WDR41: variants seen among roughly 807,000 people sequenced by gnomAD.
WDR41 encodes WD repeat-containing protein 41.
WDR41 carries 63 observed loss-of-function variants against 69.3 expected under a neutral mutation model. That is an observed-to-expected ratio of 0.91 (90% CI 0.74 to 1.12). The LOEUF is 1.12. WDR41 is among the 50% of genes most tolerant of loss of function. The probability of loss-of-function intolerance (pLI) is 0.00; values close to 1 mark genes in which losing one functional copy is unlikely to be tolerated. For synonymous variants in WDR41, 185 were observed against 192.1 expected (o/e 0.96, Z 0.31); for missense variants, 543 against 534.5 (o/e 1.02, Z -0.16).
chr5:77,476,065 G>C (rs1222118327), intron 2 of WDR41, among the ~76,000 whole-genome samples: 1 of 152,014 alleles, frequency 6.6e-6, no homozygotes, highest in Non-Finnish European at 1.5e-5. Flanking sequence ...TGGAAGAAAG[G>C]GTATCAGCGA....
At chr5:77,595,700 C>T (rs903026415) in intron 1 of WDR41, among the ~76,000 whole-genome samples, 2 of 152,124 alleles carry the variant, frequency 1.3e-5, no homozygotes, top group Non-Finnish European at 2.9e-5. Context: ...TAATGGGTTG[C>T]ACATTTCCAC....
intron 1 of WDR41, among the ~76,000 whole-genome samples, chr5:77,558,727 T>A (rs1743460492): frequency 6.6e-6 from 1 of 152,248 alleles, no homozygotes; most frequent in Admixed American, 6.5e-5. Flanking sequence ...TTCCACAAAC[T>A]AATTTTCCAG....
intron 1 of WDR41, among the ~76,000 whole-genome samples, chr5:77,612,161 A>G (rs1428867899): frequency 2.0e-5 from 3 of 152,222 alleles, no homozygotes; most frequent in Admixed American, 1.3e-4. Context: ...TAGTTTACCA[A>G]CCAAAAAGAG....
At chr5:77,466,298 CTCAA>C (rs1465389156) in intron 2 of WDR41, among the ~76,000 whole-genome samples, 1 of 151,756 alleles carries the variant, frequency 6.6e-6, no homozygotes. Context: ...TCTACATTTT[CTCAA>C]TCAGATTAGT....
At chr5:77,441,676 C>T (rs539159345) in intron 8 of WDR41, among the ~76,000 whole-genome samples, 53 of 151,978 alleles carry the variant, frequency 3.5e-4, no homozygotes, top group African/African-American at 5.1e-4. Context: ...ACGCAGAGGT[C>T]GCAGTGAGCT....
At chr5:77,494,122 G>A (rs984679544), upstream of WDR41, among the ~76,000 whole-genome samples, 1 of 152,090 alleles carries the variant, frequency 6.6e-6, no homozygotes, top group African/African-American at 2.4e-5. Flanking sequence ...ATAACGTTAG[G>A]ATGTTAAATG....
intron 7 of WDR41, among the ~76,000 whole-genome samples, chr5:77,450,527 A>G (rs938008032): frequency 6.6e-6 from 1 of 152,228 alleles, no homozygotes; most frequent in African/African-American, 2.4e-5. Flanking sequence ...CAGAAAACCC[A>G]TAATAAAATC....
In WDR41 at chr5:77,592,872, C is replaced by G. The variant is rs1435849121; in HGVS notation, c.42+27607G>C. Among the ~76,000 whole-genome samples the G allele has an allele frequency of 2.6e-5, 4 of 152,188 alleles. No homozygotes were observed. The South Asian group carries it at 6.2e-4, about 24-fold the overall frequency. On this transcript the variant is annotated intron_variant, in intron 1 of 5. Coordinates refer to the WDR41 transcript ENST00000509971. ...ACCTTAGCTAATCAGTTTCCAGTCC[C>G]TCCACCTCAGAGGTCAAACTAATGT...
intron 1 of WDR41, among the ~76,000 whole-genome samples, chr5:77,566,825 A>G (rs1272377256): frequency 2.6e-5 from 4 of 152,110 alleles, no homozygotes; most frequent in Non-Finnish European, 5.9e-5. Flanking sequence ...GTCTGTGCAC[A>G]TGTCTGGGCC....
intron 1 of WDR41, among the ~76,000 whole-genome samples, chr5:77,490,730 G>A (rs1801737719): frequency 6.6e-6 from 1 of 152,122 alleles, no homozygotes. Flanking sequence ...GGGAGACCTG[G>A]TTAAGCAAAT....
At chr5:77,610,954 G>A (rs911797137) in intron 1 of WDR41, among the ~76,000 whole-genome samples, 2 of 152,158 alleles carry the variant, frequency 1.3e-5, no homozygotes, top group African/African-American at 4.8e-5. Flanking sequence ...TAAAAGGATG[G>A]AGGAAGATCT....
At chr5:77,523,049 C>A (rs1052581515) in intron 1 of WDR41, among the ~76,000 whole-genome samples, 1 of 152,150 alleles carries the variant, frequency 6.6e-6, no homozygotes, top group African/African-American at 2.4e-5. Context: ...CGCTGTGGCT[C>A]ACACCTGTAA....
At chr5:77,476,229 A>T (rs1336954744) in intron 2 of WDR41, among the ~76,000 whole-genome samples, 2 of 152,312 alleles carry the variant, frequency 1.3e-5, no homozygotes, top group East Asian at 3.9e-4. Flanking sequence ...GAAGAATGGA[A>T]CCAAACTGGA....
In WDR41 at chr5:77,432,472, A is replaced by C. The variant is rs1043977262; in HGVS notation, c.*663T>G. On this transcript the variant is annotated 3_prime_UTR_variant, in exon 13 of 13. Transcript: ENST00000296679. ...CTAGAGCTCATCCTTGGCGTACATGAGGGGCAGTTGTTGTTCTAGTACCCA... is the reference window on the plus strand; with the variant it reads ...CTAGAGCTCATCCTTGGCGTACATGCGGGGCAGTTGTTGTTCTAGTACCCA... 1.3e-5 allele frequency: 2 copies of C among 152,498 alleles called. No individual in the cohort carries two copies. The highest frequency in any genetic ancestry group is 6.5e-5 in the Admixed American group (1 of 15,274). 9.4% of individuals were successfully genotyped at this position (152,498 alleles called of 1,614,324 possible). A position where few individuals can be genotyped will look rare whatever the true frequency, so the allele number is the denominator to read the frequency against.
chr5:77,507,215 G>A (rs990597438), intron 1 of WDR41, among the ~76,000 whole-genome samples: 5 of 152,082 alleles, frequency 3.3e-5, no homozygotes, highest in Non-Finnish European at 7.4e-5. Flanking sequence ...GCATGAGAAC[G>A]TAGGCATATT....
chr5:77,614,410 T>C (rs1308270756), intron 1 of WDR41, among the ~76,000 whole-genome samples: 2 of 150,704 alleles, frequency 1.3e-5, no homozygotes, highest in South Asian at 2.1e-4. Context: ...TGTCCAACAA[T>C]GATAGACTGG....
intron 2 of WDR41, among the ~76,000 whole-genome samples, chr5:77,473,921 A>G (rs1271194050): frequency 6.6e-6 from 1 of 152,272 alleles, no homozygotes; most frequent in East Asian, 1.9e-4. Context: ...TTGACCCAGC[A>G]ATCCCATTAC....
chr5:77,513,118 T>G (rs1356006130), intron 1 of WDR41, among the ~76,000 whole-genome samples: 2 of 152,216 alleles, frequency 1.3e-5, no homozygotes, highest in East Asian at 3.8e-4. Flanking sequence ...TTGTTTCACC[T>G]TCATATTCTT....
chr5:77,584,531 A>G (rs980223086), intron 1 of WDR41, among the ~76,000 whole-genome samples: 2 of 152,190 alleles, frequency 1.3e-5, no homozygotes, highest in East Asian at 1.9e-4. Context: ...TTAAGAAGAC[A>G]AATAAATTTA....
Sources: allele counts gnomAD v4.1 joint callset (sites outside exome capture counted in the v4.1 genomes callset), GRCh38; gene constraint gnomAD v4.1.1; transcripts MANE v1.5; gene names NCBI Gene and HGNC (gene_info 2026-07-23, HGNC 2026-07-21).